The following NLRC4 variants were observed in gnomAD, a reference collection of about 807,000 sequenced individuals.
NLRC4 encodes the protein NLR family CARD domain-containing protein 4.
Under a neutral mutation model 79.9 loss-of-function variants are expected in NLRC4, and 63 were observed. The observed-to-expected ratio is 0.79, with a 90% CI of 0.64 to 0.97. The LOEUF (loss-of-function observed/expected upper bound fraction) is 0.97, where lower values mean the gene tolerates loss of function less well. Ranked by LOEUF, NLRC4 falls within the 50% of genes least tolerant of loss-of-function variation. The probability of loss-of-function intolerance (pLI) is 0.00; values close to 1 mark genes in which losing one functional copy is unlikely to be tolerated. For synonymous variants in NLRC4, 461 were observed against 456.5 expected, an observed-to-expected ratio of 1.01 and a Z score of -0.12; for missense variants, 1,074 against 1,215.2, an observed-to-expected ratio of 0.88 and a Z score of 1.73.
At chr2:32,241,189 A>G (rs1201187775) in intron 4 of NLRC4, 64 bp from the exon 5 acceptor site, 5 of 956,344 alleles carry the variant, frequency 5.2e-6, no homozygotes, top group East Asian at 2.4e-5. Context: ...GTCATTTACT[A>G]TTACTGTCAT....
At position 32,252,472 on chromosome 2, in the gene NLRC4, A is replaced by T; in HGVS notation, c.209T>A (p.Leu70His). ...KKGSESCNLFLKSLKEWNYPL... is the reference protein window; with the variant it reads ...KKGSESCNLFHKSLKEWNYPL... ...ATAGTTCCACTCCTTAAGGGATTTA[A>T]GAAAGAGGTTACAGGACTCTGAACC... The change falls in exon 3 of 9, where the codon CTT (leucine) becomes CAT (histidine). Residue 70 changes from leucine (L) to histidine (H), a missense_variant. Coordinates refer to ENST00000402280, the MANE Select transcript of NLRC4 (RefSeq NM_001199138.2). The T allele has an allele frequency of 1.2e-6, 2 of 1,611,546 alleles. No homozygotes were observed. Among genetic ancestry groups the T allele is most frequent in the Non-Finnish European group, 1.7e-6 (2 of 1,177,566 alleles).
intron 1 of NLRC4, among the ~76,000 whole-genome samples, chr2:32,260,067 A>G (rs1687304160): frequency 6.6e-6 from 1 of 152,100 alleles, no homozygotes; most frequent in South Asian, 2.1e-4. Flanking sequence ...TGTCTCTACT[A>G]AAAATACAAA....
intron 5 of NLRC4, 39 bp from the exon 6 acceptor site, chr2:32,238,341 T>G: frequency 6.6e-7 from 1 of 1,508,206 alleles, no homozygotes. Flanking sequence ...GGATACCAAG[T>G]TAATTCGATT....
At chr2:32,229,186 T>C in intron 8 of NLRC4, among the ~76,000 whole-genome samples, 1 of 151,686 alleles carries the variant, frequency 6.6e-6, no homozygotes, top group Non-Finnish European at 1.5e-5. Flanking sequence ...GCCCAGCACT[T>C]TGGGAGGCTG....
At chr2:32,231,951 T>C (rs1686548744) in intron 8 of NLRC4, among the ~76,000 whole-genome samples, 1 of 152,358 alleles carries the variant, frequency 6.6e-6, no homozygotes, top group African/African-American at 2.4e-5. Flanking sequence ...AGGTTCCTCA[T>C]GCTTATGACG....
chr2:32,227,879 T>C (rs909956846), intron 8 of NLRC4, among the ~76,000 whole-genome samples: 1 of 152,118 alleles, frequency 6.6e-6, no homozygotes, highest in East Asian at 1.9e-4. Flanking sequence ...ATGTGGGCTG[T>C]GGAGAGTGCA....
intron 2 of NLRC4, 126 bp downstream of exon 2, chr2:32,256,649 G>T: frequency 1.5e-6 from 1 of 688,432 alleles, no homozygotes; most frequent in East Asian, 2.5e-5. Context: ...AACAACAGAA[G>T]AATATTTATT....
rs1176561773 is a variant in NLRC4, at chr2:32,251,377, T to A, written c.487A>T (p.Ser163Cys). 4 of 1,614,024 alleles carry A rather than the reference T, an allele frequency of 2.5e-6. No individual in the cohort carries two copies. The Admixed American group carries it at 5.0e-5, about 20-fold the overall frequency. Residue 163 changes from serine (S) to cysteine (C), a missense_variant, in exon 4 of 9, where the codon AGC (serine) becomes TGC (cysteine). Transcript: ENST00000402280. ...TLNGLLQALQ[S>C]PCIIEGESGK... ...GATTCCCCTTCAATGATGCAGGGGC[T>A]CTGAAGAGCCTGCAGGAGGCCATTC...
At chr2:32,239,336 C>T (rs1169808704) in intron 5 of NLRC4, among the ~76,000 whole-genome samples, 4 of 152,026 alleles carry the variant, frequency 2.6e-5, no homozygotes, top group Admixed American at 6.6e-5. Flanking sequence ...ATCAGTCTTG[C>T]AGAGCTTTCG....
chr2:32,253,075 A>G (rs954955246), intron 2 of NLRC4, among the ~76,000 whole-genome samples: 2 of 152,018 alleles, frequency 1.3e-5, no homozygotes, highest in African/African-American at 4.8e-5. Flanking sequence ...AGGGCCATGC[A>G]TTTTTTTCCT....
chr2:32,249,562 T>C, intron 4 of NLRC4, 45 bp downstream of exon 4: 1 of 1,425,236 alleles, frequency 7.0e-7, no homozygotes, highest in Non-Finnish European at 9.5e-7. Context: ...ACACTGTTAT[T>C]TTTTTTTAAG....
chr2:32,239,751 G>T (rs1475425291), intron 5 of NLRC4, among the ~76,000 whole-genome samples: 1 of 152,212 alleles, frequency 6.6e-6, no homozygotes, highest in East Asian at 1.9e-4. Context: ...GGTACTTTTT[G>T]ACCTCTTTCT....
intron 8 of NLRC4, among the ~76,000 whole-genome samples, chr2:32,234,137 T>C (rs374853184): frequency 5.9e-5 from 9 of 152,144 alleles, no homozygotes; most frequent in African/African-American, 1.7e-4. Context: ...ATCCCAGCAC[T>C]TTGGGAGGCC....
At chr2:32,241,369 CTTTTTTTTT>C (rs34150887) in intron 4 of NLRC4, among the ~76,000 whole-genome samples, 2 of 74,360 alleles carry the variant, frequency 2.7e-5, no homozygotes, top group Non-Finnish European at 4.8e-5. Flanking sequence ...AAAAAATTTC[CTTTTTTTTT>C]TTTTTTTTTT....
intron 4 of NLRC4, among the ~76,000 whole-genome samples, chr2:32,241,538 G>C (rs212722): frequency 0.61 from 92,362 of 151,626 alleles, 28,345 homozygotes; most frequent in Admixed American, 0.64. Flanking sequence ...CACCACGCCC[G>C]GCTAATTTTT....
chr2:32,258,686 A>C (rs371231042), intron 1 of NLRC4, among the ~76,000 whole-genome samples: 1 of 152,284 alleles, frequency 6.6e-6, no homozygotes, highest in African/African-American at 2.4e-5. Context: ...AGTATGTTTA[A>C]AGTGATGTTT....
At chr2:32,260,182 T>C (rs1319351452) in intron 1 of NLRC4, among the ~76,000 whole-genome samples, 1 of 123,870 alleles carries the variant, frequency 8.1e-6, no homozygotes, top group African/African-American at 3.2e-5. Context: ...TGAGCCAAGA[T>C]CGTGCCACCA....
At chr2:32,261,316 C>CCTTTTTTTT in intron 1 of NLRC4, among the ~76,000 whole-genome samples, 3 of 96,884 alleles carry the variant, frequency 3.1e-5, no homozygotes, top group African/African-American at 8.3e-5. Flanking sequence ...AGCCTCCCCC[C>CCTTTTTTTT]TTTTGTTTTT....
Position 32,241,123 on chromosome 2 carries a change from C to T in NLRC4, c.2260G>A (p.Gly754Ser). Residue 754 changes from glycine (G) to serine (S), a missense_variant and splice_region_variant, in exon 5 of 9, where the codon GGT becomes AGT. Coordinates refer to ENST00000402280, the MANE Select transcript of NLRC4 (RefSeq NM_001199138.2). ...HDLQNQRLPG[G>S]LTDSLGNLKN... ...AAGTTACCCAAGCTGTCAGTCAGAC[C>T]ACCTGTCAAAAGAAAAAAGATTGGA... The T allele has an allele frequency of 6.3e-7, 1 of 1,591,882 alleles. No individual in the cohort carries two copies. Among genetic ancestry groups the T allele is most frequent in the South Asian group, 1.1e-5 (1 of 89,484 alleles).
Sources: gnomAD v4.1 joint callset for allele counts (sites outside exome capture counted in the v4.1 genomes callset) on GRCh38, gnomAD v4.1.1 for gene constraint, MANE v1.5 for transcripts, NCBI Gene and HGNC (gene_info 2026-07-23, HGNC 2026-07-21) for gene names.